The following LARGE1 variants were observed in gnomAD, a reference collection of about 807,000 sequenced individuals.
LARGE1 encodes the protein xylosyl- and glucuronyltransferase LARGE1.
Under a neutral mutation model 87.6 loss-of-function variants are expected in LARGE1, and 43 were observed. The ratio of observed to expected loss-of-function variants is 0.49; its 90% CI spans 0.38 to 0.63. LARGE1 has a LOEUF of 0.63. Ranked by LOEUF, LARGE1 falls within the 30% of genes least tolerant of loss-of-function variation. LARGE1 has a pLI of 0.00. For synonymous variants in LARGE1, 434 were observed against 394.6 expected (o/e 1.10, Z -1.18); for missense variants, 802 against 1,000.2 (o/e 0.80, Z 2.67).
intron 2 of LARGE1, among the ~76,000 whole-genome samples, chr22:33,717,175 A>G (rs2082935984): frequency 6.6e-6 from 1 of 152,004 alleles, no homozygotes; most frequent in African/African-American, 2.4e-5. Context: ...TTATTCACTC[A>G]TTCATCCACC....
chr22:33,425,446 T>C (rs1436262606), intron 7 of LARGE1, among the ~76,000 whole-genome samples: 1 of 152,180 alleles, frequency 6.6e-6, no homozygotes. Context: ...GAGAAATGTT[T>C]GTAGTTAAGC....
At chr22:33,382,582 C>G (rs1462626989) in intron 8 of LARGE1, among the ~76,000 whole-genome samples, 1 of 152,130 alleles carries the variant, frequency 6.6e-6, no homozygotes, top group Non-Finnish European at 1.5e-5. Flanking sequence ...ATACGCACTC[C>G]CCGTTTCAAA....
downstream of LARGE1, among the ~76,000 whole-genome samples, chr22:33,161,767 C>T (rs576743170): frequency 3.3e-5 from 5 of 152,284 alleles, no homozygotes; most frequent in East Asian, 1.9e-4. Context: ...CCCCTCCCAG[C>T]TGCTTTCATG....
chr22:33,099,693 T>C, the LARGE1 span, among the ~76,000 whole-genome samples: 3 of 152,214 alleles, frequency 2.0e-5, no homozygotes, highest in East Asian at 5.8e-4. Context: ...CAGCTTGAAG[T>C]TGGCATTAAA....
rs543635151 is a variant in LARGE1, at chr22:33,791,611, C to A, written c.-82-30053G>T. ...TTTGTATGGAATATCTCACTGCTAA[C>A]AATGCCTTATCATTAGGTTATTGGG... On this transcript the variant is annotated intron_variant, in intron 1 of 14. Transcript: ENST00000397394. Among the ~76,000 whole-genome samples the A allele has an allele frequency of 5.2e-4, 79 of 152,296 alleles. 1 individual carries two copies. In the South Asian group the frequency reaches 0.016, roughly 30 times the overall value.
intron 4 of LARGE1, among the ~76,000 whole-genome samples, chr22:33,614,367 T>C (rs540071895): frequency 6.6e-6 from 1 of 152,292 alleles, no homozygotes; most frequent in East Asian, 1.9e-4. Context: ...TCACTGTTTT[T>C]CTGACTCTCT....
At chr22:33,473,343 T>C (rs1220347155) in intron 6 of LARGE1, among the ~76,000 whole-genome samples, 8 of 151,902 alleles carry the variant, frequency 5.3e-5, no homozygotes, top group Non-Finnish European at 1.5e-5. Flanking sequence ...TAGTTCTTTT[T>C]ATTTTTTATT....
intron 1 of LARGE1, among the ~76,000 whole-genome samples, chr22:33,763,590 C>A (rs1218701535): frequency 6.6e-6 from 1 of 152,098 alleles, no homozygotes; most frequent in Non-Finnish European, 1.5e-5. Flanking sequence ...GAGGGCTGTG[C>A]AGTTAGAGAG....
At chr22:33,193,045 T>C (rs1030477149) in intron 11 of LARGE1, among the ~76,000 whole-genome samples, 2 of 152,196 alleles carry the variant, frequency 1.3e-5, no homozygotes, top group East Asian at 3.8e-4. Flanking sequence ...TTGTTTTTAT[T>C]TTTCACATAT....
At chr22:33,832,825 G>C (rs758592516) in intron 1 of LARGE1, among the ~76,000 whole-genome samples, 1 of 151,978 alleles carries the variant, frequency 6.6e-6, no homozygotes, top group South Asian at 2.1e-4. Flanking sequence ...TCTGGACTGA[G>C]GCCCAGGATC....
chr22:33,662,208 G>T (rs2081147103), intron 2 of LARGE1, among the ~76,000 whole-genome samples: 1 of 151,904 alleles, frequency 6.6e-6, no homozygotes, highest in African/African-American at 2.4e-5. Context: ...TTTAGGCTAT[G>T]CGTCAGGTAG....
chr22:33,297,632 G>C (rs918556548), intron 12 of LARGE1, among the ~76,000 whole-genome samples: 1 of 149,232 alleles, frequency 6.7e-6, no homozygotes, highest in Admixed American at 6.7e-5. Flanking sequence ...AAAAAAGAAG[G>C]GTTTGTCCCC....
intron 11 of LARGE1, among the ~76,000 whole-genome samples, chr22:33,214,756 G>A (rs528641934): frequency 7.9e-5 from 12 of 152,170 alleles, no homozygotes; most frequent in South Asian, 2.1e-4. Context: ...GAGGGAGCCC[G>A]GTCTTTCACA....
intron 11 of LARGE1, among the ~76,000 whole-genome samples, chr22:33,248,744 T>C (rs1486749285): frequency 2.0e-5 from 3 of 152,242 alleles, no homozygotes; most frequent in Non-Finnish European, 4.4e-5. Flanking sequence ...CAACCCCTGA[T>C]CTTTTTACTA....
intron 1 of LARGE1, among the ~76,000 whole-genome samples, chr22:33,903,954 G>A (rs1297495683): frequency 2.6e-5 from 4 of 152,184 alleles, no homozygotes; most frequent in Non-Finnish European, 4.4e-5. Flanking sequence ...GCTGGTAGGG[G>A]AAGTACACAC....
intron 9 of LARGE1, among the ~76,000 whole-genome samples, chr22:33,353,305 T>C (rs1940572798): frequency 6.6e-6 from 1 of 152,204 alleles, no homozygotes; most frequent in African/African-American, 2.4e-5. Context: ...CACTGAACTC[T>C]GTGAAAAGAG....
intron 13 of LARGE1, among the ~76,000 whole-genome samples, chr22:33,278,839 C>A (rs1211824095): frequency 1.3e-5 from 2 of 152,194 alleles, no homozygotes; most frequent in African/African-American, 2.4e-5. Context: ...CCTGCCTCAG[C>A]CTCCCAAGTG....
rs34406131 is a variant in LARGE1, at chr22:33,766,913, CATATATATATAT to C, written c.-82-5367_-82-5356del. 7.5e-3 allele frequency among the ~76,000 whole-genome samples: 832 copies of C among 111,490 alleles called. 2 individuals are homozygous for C. Among genetic ancestry groups the C allele is most frequent in the African/African-American group, 0.017 (477 of 28,046 alleles). 73.1% of individuals were successfully genotyped at this position (111,490 alleles called of 152,430 possible). On this transcript the variant is annotated intron_variant, in intron 1 of 14. Transcript: ENST00000397394. Reference sequence around the variant, plus strand: ...AGAATATGACTAATTTAAACATATACATATATATATATATATATATATATATATATATATATA... The same window carrying C: ...AGAATATGACTAATTTAAACATATACATATATATATATATATATATATATA...
chr22:33,332,721 C>T (rs1407364796), intron 10 of LARGE1, among the ~76,000 whole-genome samples: 1 of 152,170 alleles, frequency 6.6e-6, no homozygotes, highest in African/African-American at 2.4e-5. Context: ...ACTTGACGCG[C>T]TGCGGAAGAC....
Sources: allele counts gnomAD v4.1 joint callset (sites outside exome capture counted in the v4.1 genomes callset), GRCh38; gene constraint gnomAD v4.1.1; transcripts MANE v1.5; gene names NCBI Gene and HGNC (gene_info 2026-07-23, HGNC 2026-07-21).